SLC2A13: variants seen among roughly 807,000 people sequenced by gnomAD.
SLC2A13 encodes the protein solute carrier family 2 member 13.
SLC2A13 carries 32 observed loss-of-function variants against 64.4 expected under a neutral mutation model. The ratio of observed to expected loss-of-function variants is 0.50; its 90% CI spans 0.37 to 0.67. The LOEUF is 0.67. Ranked by LOEUF, SLC2A13 falls within the 30% of genes least tolerant of loss-of-function variation. The pLI is 0.00. For missense variants in SLC2A13, 743 were observed against 829.2 expected (o/e 0.90, Z 1.28); for synonymous variants, 338 against 327.1 (o/e 1.03, Z -0.36).
intron 6 of SLC2A13, among the ~76,000 whole-genome samples, chr12:39,836,127 A>G (rs1942996394): frequency 6.6e-6 from 1 of 152,118 alleles, no homozygotes; most frequent in South Asian, 2.1e-4. Flanking sequence ...TCATAGTAAA[A>G]GGACATTACA....
intron 2 of SLC2A13, among the ~76,000 whole-genome samples, chr12:40,041,274 T>C (rs986068415): frequency 5.3e-5 from 8 of 152,160 alleles, no homozygotes; most frequent in Non-Finnish European, 1.0e-4. Flanking sequence ...GCCTTCCCAC[T>C]TCACCCCCAA....
chr12:40,085,163 G>C (rs1447450374), intron 1 of SLC2A13, among the ~76,000 whole-genome samples: 1 of 152,140 alleles, frequency 6.6e-6, no homozygotes, highest in East Asian at 1.9e-4. Flanking sequence ...ACCTCCACAG[G>C]GACAAAATCT....
chr12:39,869,677 A>C (rs1477385312), intron 5 of SLC2A13, among the ~76,000 whole-genome samples: 1 of 152,110 alleles, frequency 6.6e-6, no homozygotes, highest in Non-Finnish European at 1.5e-5. Context: ...TCCCCTTAAC[A>C]GTCAGGGATG....
At chr12:39,827,024 C>T (rs1477187442) in intron 7 of SLC2A13, among the ~76,000 whole-genome samples, 2 of 149,046 alleles carry the variant, frequency 1.3e-5, no homozygotes, top group Admixed American at 6.7e-5. Flanking sequence ...ATGGTAAAAC[C>T]GCAGTTAACT....
At chr12:39,789,227 T>C (rs2135758124) in intron 7 of SLC2A13, among the ~76,000 whole-genome samples, 1 of 152,186 alleles carries the variant, frequency 6.6e-6, no homozygotes, top group Non-Finnish European at 1.5e-5. Context: ...TGTTTTTCTG[T>C]ATAGGATATT....
intron 7 of SLC2A13, among the ~76,000 whole-genome samples, chr12:39,826,274 A>G (rs879695602): frequency 2.0e-5 from 3 of 151,744 alleles, no homozygotes; most frequent in Admixed American, 2.0e-4. Flanking sequence ...TTGACTTAGT[A>G]CTTATCTAAT....
chr12:39,929,500 G>A (rs1336781024), intron 4 of SLC2A13, among the ~76,000 whole-genome samples: 1 of 151,600 alleles, frequency 6.6e-6, no homozygotes, highest in Non-Finnish European at 1.5e-5. Context: ...GCAGTGAGCC[G>A]AGATCGAGCC....
At chr12:40,038,630 C>T (rs1948029199) in intron 2 of SLC2A13, among the ~76,000 whole-genome samples, 1 of 151,306 alleles carries the variant, frequency 6.6e-6, no homozygotes, top group Admixed American at 6.6e-5. Context: ...ACTCAGGAGG[C>T]TGAGGCGGGA....
chr12:40,036,115 A>G (rs1947979846), intron 2 of SLC2A13, among the ~76,000 whole-genome samples: 1 of 152,174 alleles, frequency 6.6e-6, no homozygotes, highest in Non-Finnish European at 1.5e-5. Context: ...CAAGTAACCT[A>G]TACTCCAGTA....
At chr12:40,088,317 T>C (rs1428951185) in intron 1 of SLC2A13, among the ~76,000 whole-genome samples, 2 of 152,200 alleles carry the variant, frequency 1.3e-5, no homozygotes, top group African/African-American at 4.8e-5. Context: ...TAGACCACTT[T>C]ATTTTAACTG....
chr12:39,789,056 T>G (rs1941285508), intron 7 of SLC2A13, among the ~76,000 whole-genome samples: 1 of 152,126 alleles, frequency 6.6e-6, no homozygotes, highest in South Asian at 2.1e-4. Flanking sequence ...ATGTACACTT[T>G]AAAGAATGAT....
At chr12:40,007,146 C>T (rs1947436309) in intron 3 of SLC2A13, among the ~76,000 whole-genome samples, 1 of 152,152 alleles carries the variant, frequency 6.6e-6, no homozygotes, top group Non-Finnish European at 1.5e-5. Flanking sequence ...TGCTCTGTGG[C>T]TGAGAGAAGT....
chr12:39,841,149 T>C (rs945199782), intron 6 of SLC2A13, among the ~76,000 whole-genome samples: 1 of 152,200 alleles, frequency 6.6e-6, no homozygotes, highest in Admixed American at 6.6e-5. Flanking sequence ...ATGCAAAAAA[T>C]TTTATAGTAG....
At chr12:39,936,996 A>G (rs1163100514) in intron 4 of SLC2A13, among the ~76,000 whole-genome samples, 1 of 152,198 alleles carries the variant, frequency 6.6e-6, no homozygotes, top group East Asian at 1.9e-4. Flanking sequence ...GTTGCAAGCC[A>G]AGACTTGGAC....
intron 1 of SLC2A13, among the ~76,000 whole-genome samples, chr12:40,081,173 A>G (rs1423931592): frequency 6.6e-6 from 1 of 152,192 alleles, no homozygotes; most frequent in African/African-American, 2.4e-5. Context: ...TCTGATGACT[A>G]TCTATCTTCA....
intron 4 of SLC2A13, among the ~76,000 whole-genome samples, chr12:39,934,442 G>A (rs1343903215): frequency 1.3e-5 from 2 of 152,242 alleles, no homozygotes; most frequent in Non-Finnish European, 2.9e-5. Context: ...CAGGGAACGG[G>A]AGAGGACCTA....
intron 4 of SLC2A13, among the ~76,000 whole-genome samples, chr12:39,918,851 C>CAAA (rs10589116): frequency 8.1e-6 from 1 of 123,896 alleles, no homozygotes; most frequent in African/African-American, 2.9e-5. Context: ...GACTCTGTCT[C>CAAA]AAAAAAAAAA....
intron 4 of SLC2A13, among the ~76,000 whole-genome samples, chr12:39,906,522 T>A (rs563144406): frequency 6.6e-6 from 1 of 152,216 alleles, no homozygotes; most frequent in East Asian, 1.9e-4. Context: ...AAAAAACAGT[T>A]TCAACTTGAA....
chr12:40,091,692 C>T (rs914595591), intron 1 of SLC2A13, among the ~76,000 whole-genome samples: 1 of 152,182 alleles, frequency 6.6e-6, no homozygotes, highest in African/African-American at 2.4e-5. Context: ...TGTACTCATA[C>T]TACCTAATAT....
Sources: gnomAD v4.1 joint callset for allele counts (sites outside exome capture counted in the v4.1 genomes callset) on GRCh38, gnomAD v4.1.1 for gene constraint, MANE v1.5 for transcripts, NCBI Gene and HGNC (gene_info 2026-07-23, HGNC 2026-07-21) for gene names.